The following INTS8 variants were observed in gnomAD, a reference collection of about 807,000 sequenced individuals.
The protein encoded by INTS8 is protein kaonashi-1.
A neutral mutation model predicts 138.9 loss-of-function variants in INTS8; 47 were observed. The observed-to-expected ratio is 0.34, with a 90% CI of 0.27 to 0.43. The LOEUF is 0.43. INTS8 is among the 20% of genes least tolerant of loss of function. The pLI is 1.00. For missense variants in INTS8, 996 were observed against 1,173.0 expected, an observed-to-expected ratio of 0.85 and a Z score of 2.20; for synonymous variants, 392 against 400.9, an observed-to-expected ratio of 0.98 and a Z score of 0.27.
chr8:94,838,044 C>CTT (rs776858651), intron 7 of INTS8, among the ~76,000 whole-genome samples: 6 of 134,324 alleles, frequency 4.5e-5, no homozygotes, highest in East Asian at 2.1e-4. Flanking sequence ...TTTTTCTTTT[C>CTT]TTTTTTTTTT....
At chr8:94,865,157 T>TC (rs1181404058) in intron 16 of INTS8, among the ~76,000 whole-genome samples, 1 of 152,170 alleles carries the variant, frequency 6.6e-6, no homozygotes, top group South Asian at 2.1e-4. Flanking sequence ...CACTTTTTTT[T>TC]CCCTATGTAA....
At position 94,864,143 on chromosome 8, in the gene INTS8, C is replaced by T. The variant is rs577956261; in HGVS notation, c.2077-1363C>T. On this transcript the variant is annotated intron_variant, in intron 16 of 26. Coordinates refer to ENST00000523731, the MANE Select transcript of INTS8 (RefSeq NM_017864.4). The stretch of plus-strand genomic sequence containing the variant: ...TATAAAGCAAACATGGCAGAATAGT[C>T]ACAATGTGTCAGGTATTTATTGAAC... Among the ~76,000 whole-genome samples the T allele has an allele frequency of 3.3e-5, 5 of 152,062 alleles. No individual in the cohort carries two copies. In the South Asian group the frequency reaches 1.0e-3, roughly 32 times the overall value.
rs192491338 is a variant in INTS8, at chr8:94,848,563, T to C, written c.1261-899T>C. ...AGATTTATCTGTTCTGGATATTTTA[T>C]GTAAATGGAACTATGAAATAGATGA... On this transcript the variant is annotated intron_variant, in intron 10 of 26. Transcript: ENST00000523731. Among the ~76,000 whole-genome samples the C allele has an allele frequency of 7.9e-5, 12 of 152,370 alleles. No homozygotes were observed. The East Asian group carries it at 1.9e-3, about 24-fold the overall frequency.
chr8:94,866,213 T>C (rs1467984002), intron 18 of INTS8, 22 bp downstream of exon 18: 2 of 1,257,644 alleles, frequency 1.6e-6, no homozygotes, highest in Non-Finnish European at 1.1e-6. Context: ...TAAAAATTGC[T>C]CTAATTACTA....
chr8:94,870,259 G>A (rs913795404), intron 20 of INTS8, among the ~76,000 whole-genome samples: 2 of 151,946 alleles, frequency 1.3e-5, no homozygotes, highest in African/African-American at 4.8e-5. Flanking sequence ...CACCATGTTA[G>A]CCAGGATGAT....
intron 15 of INTS8, 87 bp downstream of exon 15, chr8:94,857,065 T>G: frequency 1.0e-6 from 1 of 992,146 alleles, no homozygotes; most frequent in South Asian, 1.7e-5. Flanking sequence ...TATTTGAGTT[T>G]GTAATCTTTT....
At chr8:94,823,670 C>A (rs1350803547) in intron 1 of INTS8, 109 bp downstream of exon 1, 4 of 881,894 alleles carry the variant, frequency 4.5e-6, no homozygotes, top group Non-Finnish European at 6.7e-6. Flanking sequence ...GCCTGGGAGG[C>A]GCGCACAGGA....
intron 1 of INTS8, among the ~76,000 whole-genome samples, chr8:94,823,826 C>CT (rs1814377848): frequency 6.6e-6 from 1 of 152,180 alleles, no homozygotes; most frequent in Non-Finnish European, 1.5e-5. Context: ...TACGATTTAC[C>CT]TTTTTACTGT....
intron 2 of INTS8, among the ~76,000 whole-genome samples, chr8:94,826,285 A>ATTT (rs1311945370): frequency 6.8e-6 from 1 of 146,750 alleles, no homozygotes. Flanking sequence ...TTTAAAGTGA[A>ATTT]TTTTTTTTTT....
Position 94,832,098 on chromosome 8 carries a change from A to G in INTS8, c.677A>G (p.Glu226Gly). The G allele has an allele frequency of 6.2e-7, 1 of 1,613,946 alleles. No individual in the cohort carries two copies. The highest frequency in any genetic ancestry group is 8.5e-7 in the Non-Finnish European group (1 of 1,179,934). ...TMRTLDLLAM[E>G]PGMVNGETES... ...AGAACTCTAGATTTATTGGCCATGGAACCAGGCATGGTAAATGGAGAAACT... is the reference window on the plus strand; with the variant it reads ...AGAACTCTAGATTTATTGGCCATGGGACCAGGCATGGTAAATGGAGAAACT... Residue 226 changes from glutamate (E) to glycine (G), a missense_variant, in exon 6 of 27, where the codon GAA becomes GGA. Transcript: ENST00000523731.
intron 16 of INTS8, chr8:94,859,849 T>G (rs1815888255): frequency 4.2e-6 from 2 of 474,560 alleles, no homozygotes; most frequent in African/African-American, 2.0e-5. Flanking sequence ...GAGCATGTAG[T>G]CACAGATTAT....
chr8:94,869,778 A>G (rs1352749832), intron 20 of INTS8, among the ~76,000 whole-genome samples: 1 of 152,204 alleles, frequency 6.6e-6, no homozygotes, highest in East Asian at 1.9e-4. Context: ...GGCATGAGCC[A>G]CTGCGCCCCA....
chr8:94,843,795 T>G (rs975661412), intron 10 of INTS8, among the ~76,000 whole-genome samples: 5 of 152,206 alleles, frequency 3.3e-5, no homozygotes, highest in African/African-American at 7.2e-5. Flanking sequence ...GCAACATTAA[T>G]TTTTAAAAAC....
At chr8:94,846,890 A>G (rs1290937965) in intron 10 of INTS8, among the ~76,000 whole-genome samples, 1 of 152,188 alleles carries the variant, frequency 6.6e-6, no homozygotes, top group Non-Finnish European at 1.5e-5. Context: ...GTGATAAAGT[A>G]TAATTGATTT....
chr8:94,840,597 G>A (rs1387870774), intron 8 of INTS8, among the ~76,000 whole-genome samples: 2 of 116,112 alleles, frequency 1.7e-5, no homozygotes, highest in Non-Finnish European at 3.3e-5. Context: ...TCACTCTGTT[G>A]CCCAGGCTGG....
chr8:94,875,887 C>T (rs938698806), intron 23 of INTS8, 187 bp from the exon 24 acceptor site: 34 of 531,820 alleles, frequency 6.4e-5, no homozygotes, highest in Middle Eastern at 5.1e-4. Context: ...GTTGAGGTCA[C>T]TGATGAAGAG....
chr8:94,851,101 C>G (rs1347545436), intron 12 of INTS8, among the ~76,000 whole-genome samples: 2 of 152,190 alleles, frequency 1.3e-5, no homozygotes, highest in Non-Finnish European at 2.9e-5. Flanking sequence ...TTTTGGTAAT[C>G]ATTTTTGGTT....
chr8:94,868,121 C>G (rs1173804686), intron 20 of INTS8, among the ~76,000 whole-genome samples: 2 of 152,110 alleles, frequency 1.3e-5, no homozygotes, highest in African/African-American at 2.4e-5. Flanking sequence ...TTTGCATGCA[C>G]TACCTGAGAA....
At chr8:94,838,646 A>G (rs773670124) in intron 8 of INTS8, 28 bp downstream of exon 8, 75 of 1,578,796 alleles carry the variant, frequency 4.8e-5, no homozygotes, top group African/African-American at 6.7e-5. Flanking sequence ...GATGCAGTGA[A>G]GTTTTGGAAG....
Sources: allele counts gnomAD v4.1 joint callset (sites outside exome capture counted in the v4.1 genomes callset), GRCh38; gene constraint gnomAD v4.1.1; transcripts MANE v1.5; gene names NCBI Gene and HGNC (gene_info 2026-07-23, HGNC 2026-07-21).